Variants in ASTN2 observed in about 807,000 individuals in gnomAD.
The protein encoded by ASTN2 is astrotactin 2, also known as astrotactin-2.
In ASTN2, 54 loss-of-function variants were observed where a neutral mutation model predicts 139.8. The observed-to-expected ratio is 0.39, with a 90% confidence interval of 0.31 to 0.48. The LOEUF (loss-of-function observed/expected upper bound fraction) is 0.48. ASTN2 is among the 20% of genes least tolerant of loss of function. ASTN2 has a pLI of 0.95. For missense variants in ASTN2, 1,565 were observed against 1,725.1 expected (o/e 0.91, Z 1.64); for synonymous variants, 756 against 719.5 (o/e 1.05, Z -0.81).
intron 17 of ASTN2, among the ~76,000 whole-genome samples, chr9:116,632,667 G>A (rs1856865807): frequency 1.3e-5 from 2 of 152,158 alleles, no homozygotes; most frequent in African/African-American, 4.8e-5. Context: ...CTTTGTACAT[G>A]GGTTCCCCCA....
chr9:116,561,094 T>C (rs746607090), intron 19 of ASTN2, among the ~76,000 whole-genome samples: 1 of 151,996 alleles, frequency 6.6e-6, no homozygotes, highest in African/African-American at 2.4e-5. Flanking sequence ...TGAGAACCAA[T>C]GCTTTAAGAG....
intron 4 of ASTN2, among the ~76,000 whole-genome samples, chr9:117,124,417 T>C (rs1829635819): frequency 1.3e-5 from 2 of 152,198 alleles, no homozygotes; most frequent in African/African-American, 4.8e-5. Flanking sequence ...TTCTATCATC[T>C]TGATGTGGCC....
At position 116,730,346 on chromosome 9, in the gene ASTN2, T is replaced by G. The variant is rs566211387; in HGVS notation, c.2522-1250A>C. Among the ~76,000 whole-genome samples, 3 of 147,090 alleles carry G rather than the reference T, an allele frequency of 2.0e-5. No individual in the cohort carries two copies. The South Asian group carries it at 6.4e-4, about 31-fold the overall frequency. On this transcript the variant is annotated intron_variant, in intron 14 of 22. Transcript: ENST00000313400. Reference sequence around the variant, plus strand: ...ATTAAAGTTGTCCATTACTGTCAACTTTTTTTTTTTCCTCCTTATGCTCCT... The same window carrying G: ...ATTAAAGTTGTCCATTACTGTCAACGTTTTTTTTTTCCTCCTTATGCTCCT...
intron 13 of ASTN2, among the ~76,000 whole-genome samples, chr9:116,793,900 T>C (rs944681827): frequency 6.6e-6 from 1 of 152,170 alleles, no homozygotes; most frequent in African/African-American, 2.4e-5. Context: ...AGGGTTTTCA[T>C]GCATAATAAT....
intron 5 of ASTN2, among the ~76,000 whole-genome samples, chr9:117,059,897 T>C (rs1394283557): frequency 1.3e-5 from 2 of 152,168 alleles, no homozygotes; most frequent in Admixed American, 1.3e-4. Context: ...TGATGCATCC[T>C]GGTTTATCTT....
In ASTN2 at chr9:116,829,668, G is replaced by C. The variant is rs749234805; in HGVS notation, c.2041-8885C>G. Reference sequence around the variant, plus strand: ...CCAGATCTCATGAGAACTCACTATTGCAAGAACAGCAAGGGGAAAATCTGC... The same window carrying C: ...CCAGATCTCATGAGAACTCACTATTCCAAGAACAGCAAGGGGAAAATCTGC... On this transcript the variant is annotated intron_variant, in intron 11 of 22. Coordinates refer to ENST00000313400, the MANE Select transcript of ASTN2 (RefSeq NM_001365068.1). Among the ~76,000 whole-genome samples the C allele has an allele frequency of 6.2e-4, 95 of 152,218 alleles. 1 individual carries two copies. The highest frequency in any genetic ancestry group is 3.4e-3 in the Middle Eastern group (1 of 294).
At chr9:117,288,757 T>C (rs1490066378) in intron 2 of ASTN2, among the ~76,000 whole-genome samples, 3 of 152,180 alleles carry the variant, frequency 2.0e-5, no homozygotes, top group African/African-American at 7.2e-5. Flanking sequence ...AGGCCTGACC[T>C]CCAGGCCAAG....
chr9:116,942,153 G>A (rs952435253), intron 10 of ASTN2, among the ~76,000 whole-genome samples: 1 of 151,554 alleles, frequency 6.6e-6, no homozygotes, highest in East Asian at 1.9e-4. Flanking sequence ...CTTCTCTGAG[G>A]TCTCTCCTCT....
At chr9:116,666,324 G>A (rs867446438) in intron 16 of ASTN2, among the ~76,000 whole-genome samples, 24 of 152,292 alleles carry the variant, frequency 1.6e-4, no homozygotes, top group African/African-American at 4.8e-4. Flanking sequence ...CTGCAGACTT[G>A]TATAGGGAAA....
chr9:116,704,053 G>A (rs1405062647), intron 16 of ASTN2, among the ~76,000 whole-genome samples: 2 of 152,114 alleles, frequency 1.3e-5, no homozygotes, highest in African/African-American at 2.4e-5. Flanking sequence ...TCTGGGTCTG[G>A]CAATGTACTC....
intron 10 of ASTN2, among the ~76,000 whole-genome samples, chr9:116,902,551 A>T (rs763447406): frequency 6.6e-6 from 1 of 152,104 alleles, no homozygotes; most frequent in Non-Finnish European, 1.5e-5. Flanking sequence ...GTATAGGTTT[A>T]TAGCCCAGGA....
chr9:116,854,973 C>G (rs183979823), intron 11 of ASTN2, among the ~76,000 whole-genome samples: 2,160 of 143,204 alleles, frequency 0.015, 79 homozygotes, highest in Admixed American at 0.083. Context: ...TATTCCCCCC[C>G]CACCATTATT....
At chr9:117,078,514 A>G (rs2132721008) in intron 5 of ASTN2, among the ~76,000 whole-genome samples, 1 of 152,346 alleles carries the variant, frequency 6.6e-6, no homozygotes, top group South Asian at 2.1e-4. Flanking sequence ...GAAGCACCGA[A>G]TTGGAGAATC....
intron 13 of ASTN2, among the ~76,000 whole-genome samples, chr9:116,774,770 A>G (rs1830037996): frequency 6.6e-6 from 1 of 152,186 alleles, no homozygotes; most frequent in South Asian, 2.1e-4. Context: ...CTAATCTCCC[A>G]GCAAATGCTC....
chr9:117,154,191 T>C (rs1184445375), intron 3 of ASTN2, among the ~76,000 whole-genome samples: 4 of 152,100 alleles, frequency 2.6e-5, no homozygotes, highest in African/African-American at 9.7e-5. Flanking sequence ...TATTAAACTC[T>C]TAAAAATAGA....
intron 1 of ASTN2, among the ~76,000 whole-genome samples, chr9:117,354,146 C>T (rs926184239): frequency 6.6e-6 from 1 of 152,012 alleles, no homozygotes; most frequent in East Asian, 1.9e-4. Flanking sequence ...TGGGGAAGGG[C>T]GGAAGGTACT....
intron 3 of ASTN2, among the ~76,000 whole-genome samples, chr9:117,208,502 C>T (rs1324012864): frequency 6.6e-6 from 1 of 151,536 alleles, no homozygotes; most frequent in Non-Finnish European, 1.5e-5. Flanking sequence ...AAAAAGAAAG[C>T]CTCAAGTAAG....
chr9:116,580,122 T>C (rs1434375358), intron 19 of ASTN2, among the ~76,000 whole-genome samples: 1 of 152,206 alleles, frequency 6.6e-6, no homozygotes, highest in Non-Finnish European at 1.5e-5. Flanking sequence ...ACCCGGCCAG[T>C]CACATTATCT....
chr9:116,596,711 G>T (rs1201440713), intron 19 of ASTN2, among the ~76,000 whole-genome samples: 1 of 152,084 alleles, frequency 6.6e-6, no homozygotes, highest in Non-Finnish European at 1.5e-5. Flanking sequence ...ATGACATAAG[G>T]GTAGTAATAC....
Sources: allele counts gnomAD v4.1 joint callset (sites outside exome capture counted in the v4.1 genomes callset), GRCh38; gene constraint gnomAD v4.1.1; transcripts MANE v1.5; gene names NCBI Gene and HGNC (gene_info 2026-07-23, HGNC 2026-07-21).